Variants in SLC52A2 observed in about 807,000 individuals in gnomAD.
The protein encoded by SLC52A2 is solute carrier family 52, riboflavin transporter, member 2.
SLC52A2 carries 16 observed loss-of-function variants against 24.8 expected under a neutral mutation model. That is an observed-to-expected ratio of 0.64 (90% CI 0.44 to 0.98). The LOEUF (loss-of-function observed/expected upper bound fraction) is 0.98, where lower values mean the gene tolerates loss of function less well. SLC52A2 is among the 50% of genes least tolerant of loss of function. The probability of loss-of-function intolerance (pLI) is 0.00; values close to 1 mark genes in which losing one functional copy is unlikely to be tolerated. For missense variants in SLC52A2, 612 were observed against 575.9 expected, an observed-to-expected ratio of 1.06 and a Z score of -0.64; for synonymous variants, 335 against 276.3, an observed-to-expected ratio of 1.21 and a Z score of -2.11.
chr8:144,359,421 A>G lies in SLC52A2; in HGVS notation c.128A>G (p.Glu43Gly). 6.2e-7 allele frequency: 1 copy of G among 1,610,700 alleles called. No individual in the cohort carries two copies. Among genetic ancestry groups the G allele is most frequent in the Non-Finnish European group, 8.5e-7 (1 of 1,179,576 alleles). Residue 43 changes from glutamate to glycine, a missense_variant and splice_region_variant, in exon 2 of 5, where the codon GAG (glutamate) becomes GGG (glycine). Physicochemically the swap from Glu to Gly is moderately conservative, Grantham distance 98. Coordinates refer to ENST00000643944, the MANE Select transcript of SLC52A2 (RefSeq NM_001363118.2). ...ELPVVVKELPEGWSLPSYVSV... is the reference protein window; with the variant it reads ...ELPVVVKELPGGWSLPSYVSV... ...CCTGTGGTGGTCAAAGAGCTTCCAG[A>G]GGGTGAGTGGGAGGGAGGTGCAGGT...
At position 144,359,968 on chromosome 8, in the gene SLC52A2, G is replaced by C; in HGVS notation, c.476G>C (p.Cys159Ser). The part of the protein sequence containing the change: ...LGQGLSALLP[C>S]VLALVQGVGR... The stretch of plus-strand genomic sequence containing the variant: ...CAAGGCCTGAGTGCCCTGCTGCCCT[G>C]CGTGCTGGCCCTAGTGCAGGGTGTG... The change falls in exon 3 of 5, where the codon TGC becomes TCC. Residue 159 changes from cysteine (C) to serine (S), a missense_variant. Coordinates refer to ENST00000643944, the MANE Select transcript of SLC52A2 (RefSeq NM_001363118.2). 6.2e-7 allele frequency: 1 copy of C among 1,613,168 alleles called. No individual in the cohort carries two copies. The highest frequency in any genetic ancestry group is 1.1e-5 in the South Asian group (1 of 91,086).
At chr8:144,359,574 C>T (rs373178133) in intron 2 of SLC52A2, 49 bp from the exon 3 acceptor site, 74 of 1,603,020 alleles carry the variant, frequency 4.6e-5, no homozygotes, top group Non-Finnish European at 5.9e-5. Flanking sequence ...TGGCACTCTT[C>T]CTCCCTTGGG....
Position 144,361,001 on chromosome 8 carries a change from C to T in SLC52A2, c.1324C>T (p.Pro442Ser), listed in dbSNP as rs2130653590. The T allele has an allele frequency of 2.5e-6, 4 of 1,612,994 alleles. No homozygotes were observed. The highest frequency in any genetic ancestry group is 3.4e-6 in the Non-Finnish European group (4 of 1,179,702). Residue 442 changes from proline (P) to serine (S), a missense_variant, in exon 5 of 5, where the codon CCC (proline) becomes TCC (serine). Coordinates refer to ENST00000643944, the MANE Select transcript of SLC52A2 (RefSeq NM_001363118.2). ...VFHSRKDCAD[P>S]CDS The stretch of plus-strand genomic sequence containing the variant: ...CCACAGCAGAAAGGACTGTGCAGAC[C>T]CCTGTGACTCCTGAGCCTGGGCAGG...
chr8:144,360,345 G>T lies in SLC52A2; in HGVS notation c.853G>T (p.Ala285Ser). ...RSACLLGLLA[A>S]TNALTNGVLP... The stretch of plus-strand genomic sequence containing the variant: ...TGCCTGCCTGCTGGGCCTGTTGGCC[G>T]CCACCAACGCGCTGACCAATGGCGT... The change falls in exon 3 of 5, where the codon GCC (alanine) becomes TCC (serine). Residue 285 changes from alanine to serine, a missense_variant. Physicochemically the swap from Ala to Ser is moderately conservative, Grantham distance 99. Transcript: ENST00000643944. The T allele has an allele frequency of 6.2e-7, 1 of 1,608,552 alleles. No individual in the cohort carries two copies. The highest frequency in any genetic ancestry group is 8.5e-7 in the Non-Finnish European group (1 of 1,180,006).
Position 144,360,925 on chromosome 8 carries a change from T to G in SLC52A2, c.1248T>G (p.Ser416=), listed in dbSNP as rs781951928. 6.2e-7 allele frequency: 1 copy of G among 1,613,404 alleles called. No homozygotes were observed. Among genetic ancestry groups the G allele is most frequent in the South Asian group, 1.1e-5 (1 of 91,092 alleles). Residue 416 remains serine, a synonymous_variant, in exon 5 of 5, where the codon TCT becomes TCG. Coordinates refer to ENST00000643944, the MANE Select transcript of SLC52A2 (RefSeq NM_001363118.2). ...CCGGCGTGGCCATCCAGGTGGGCTC[T>G]CTGCTCGGCGCTGTTGCTATGTTCC... ...LAAGVAIQVG[S]LLGAVAMFPP...
Position 144,358,910 on chromosome 8 carries a change from C to A in SLC52A2, c.-266C>A. 1 of 244,724 alleles carries A rather than the reference C, an allele frequency of 4.1e-6. No individual in the cohort carries two copies. The allele number at this position is 244,724 out of a possible 1,614,324, so 15.2% of individuals were successfully genotyped here. A position where few individuals can be genotyped will look rare whatever the true frequency, so the allele number is the denominator to read the frequency against. On this transcript the variant is annotated 5_prime_UTR_variant, in exon 1 of 5. Coordinates refer to ENST00000643944, the MANE Select transcript of SLC52A2 (RefSeq NM_001363118.2). ...TGCGTGGCTCCTCCTGGTAGGCGCCCTTTCCCGGCGTCCGGCTTGGGGTGG... is the reference window on the plus strand; with the variant it reads ...TGCGTGGCTCCTCCTGGTAGGCGCCATTTCCCGGCGTCCGGCTTGGGGTGG...
Position 144,358,849 on chromosome 8 carries a change from C to T in SLC52A2, c.-327C>T, listed in dbSNP as rs1399242544. 9.1e-6 allele frequency: 2 copies of T among 219,224 alleles called. No homozygotes were observed. Among genetic ancestry groups the T allele is most frequent in the Non-Finnish European group, 9.0e-6 (1 of 111,632 alleles). 13.6% of individuals were successfully genotyped at this position (219,224 alleles called of 1,614,324 possible). A position where few individuals can be genotyped will look rare whatever the true frequency, so the allele number is the denominator to read the frequency against. On this transcript the variant is annotated 5_prime_UTR_variant, in exon 1 of 5. Coordinates refer to ENST00000643944, the MANE Select transcript of SLC52A2 (RefSeq NM_001363118.2). ...GCCACTCCCCTGGGATCTGACTTGG[C>T]TCTTGCGGTCGCGGGCACCGTGAAG...
rs1554853630 is a variant in SLC52A2, at chr8:144,358,800, G to A, written c.-376G>A. ...CACCTGACGGTACCGAGAGGGCGGC[G>A]CCCCTCCGAGCAGAGCCGTCCCGGC... On this transcript the variant is annotated 5_prime_UTR_variant, in exon 1 of 5. Coordinates refer to ENST00000643944, the MANE Select transcript of SLC52A2 (RefSeq NM_001363118.2). The A allele has an allele frequency of 4.1e-6, 1 of 244,350 alleles. No individual in the cohort carries two copies. Among genetic ancestry groups the A allele is most frequent in the Non-Finnish European group, 7.8e-6 (1 of 127,394 alleles). 15.1% of individuals were successfully genotyped at this position (244,350 alleles called of 1,614,324 possible). A position where few individuals can be genotyped will look rare whatever the true frequency, so the allele number is the denominator to read the frequency against.
chr8:144,360,162 G>A lies in SLC52A2; in HGVS notation c.670G>A (p.Val224Ile). The A allele has an allele frequency of 6.2e-7, 1 of 1,612,888 alleles. No individual in the cohort carries two copies. Among genetic ancestry groups the A allele is most frequent in the Non-Finnish European group, 8.5e-7 (1 of 1,180,034 alleles). The part of the protein sequence containing the change: ...LLLLLPPPPS[V>I]PTGELGSGLQ... ...GCTGCTGTTGCCGCCACCACCATCTGTACCCACAGGGGAGTTAGGATCAGG... is the reference window on the plus strand; with the variant it reads ...GCTGCTGTTGCCGCCACCACCATCTATACCCACAGGGGAGTTAGGATCAGG... The change falls in exon 3 of 5, where the codon GTA (valine) becomes ATA (isoleucine). Residue 224 changes from valine to isoleucine, a missense_variant. Physicochemically the swap from Val to Ile is conservative, Grantham distance 29. Coordinates refer to ENST00000643944, the MANE Select transcript of SLC52A2 (RefSeq NM_001363118.2).
Position 144,360,083 on chromosome 8 carries a change from C to T in SLC52A2, c.591C>T (p.Phe197=), listed in dbSNP as rs1554854078. ...AGCGTTTTCCCGCCAGCACCTTCTT[C>T]TGGGCACTGACTGCCCTTCTGGTCG... The part of the protein sequence containing the change: ...FLERFPASTF[F]WALTALLVAS... Residue 197 remains phenylalanine (F), a synonymous_variant, in exon 3 of 5, where the codon TTC becomes TTT. Transcript: ENST00000643944. 1.9e-6 allele frequency: 3 copies of T among 1,613,004 alleles called. No homozygotes were observed. Among genetic ancestry groups the T allele is most frequent in the East Asian group, 2.2e-5 (1 of 44,886 alleles).
At position 144,360,239 on chromosome 8, in the gene SLC52A2, A is replaced by G. The variant is rs782370479; in HGVS notation, c.747A>G (p.Pro249=). ...AGGAAGAGGTGGAAGAGTCCTCACC[A>G]CTGCAAGAGCCACCAAGCCAGGCAG... ...GAEEEVEESS[P]LQEPPSQAAG... Residue 249 remains proline, a synonymous_variant, in exon 3 of 5, where the codon CCA becomes CCG. Coordinates refer to ENST00000643944, the MANE Select transcript of SLC52A2 (RefSeq NM_001363118.2). 7 of 1,612,446 alleles carry G rather than the reference A, an allele frequency of 4.3e-6. No homozygotes were observed. Among genetic ancestry groups the G allele is most frequent in the Non-Finnish European group, 4.2e-6 (5 of 1,179,960 alleles).
rs1463329267 is a variant in SLC52A2, at chr8:144,360,421, A to G, written c.929A>G (p.Tyr310Cys). The change falls in exon 3 of 5, where the codon TAC becomes TGC. Residue 310 changes from tyrosine to cysteine, a missense_variant. Tyr to Cys is a radical substitution (Grantham distance 194). Transcript: ENST00000643944. ...TGCTTACCCTACGGGCGTCTGGCCT[A>G]CCACCTGGCTGTGGTGCTGGGCAGT... ...FSCLPYGRLA[Y>C]HLAVVLGSAA... 2 of 1,606,610 alleles carry G rather than the reference A, an allele frequency of 1.2e-6. No individual in the cohort carries two copies. Among genetic ancestry groups the G allele is most frequent in the South Asian group, 1.1e-5 (1 of 91,092 alleles).
rs782459338 is a variant in SLC52A2 at position 144,360,775 on chromosome 8, C to G, written c.1126-28C>G. On this transcript the variant is annotated intron_variant, in intron 4 of 4. Transcript: ENST00000643944. ...GTTGCCCTGGAGCAGGCACATCTCACGCTCAGCTGGTGCTGTGTCCCCCTC... is the reference window on the plus strand; with the variant it reads ...GTTGCCCTGGAGCAGGCACATCTCAGGCTCAGCTGGTGCTGTGTCCCCCTC... 2.5e-6 allele frequency: 4 copies of G among 1,608,778 alleles called. No individual in the cohort carries two copies. In the Admixed American group the frequency reaches 6.7e-5, roughly 27 times the overall value.
chr8:144,361,042 C>G lies in SLC52A2; in HGVS notation c.*27C>G, dbSNP rs1818860041. The G allele has an allele frequency of 6.2e-7, 1 of 1,600,696 alleles. No individual in the cohort carries two copies. The highest frequency in any genetic ancestry group is 1.1e-5 in the South Asian group (1 of 90,708). ...CCTGGGCAGGTGGGGACCCCGCTCC[C>G]CAACACCTGTCTTTCCCTCAATGCT... is the stretch of plus-strand genomic sequence containing the variant. On this transcript the variant is annotated 3_prime_UTR_variant, in exon 5 of 5. Transcript: ENST00000643944.
At chr8:144,359,485 G>T (rs1237412170) in intron 2 of SLC52A2, 62 bp downstream of exon 2, 50 of 1,613,708 alleles carry the variant, frequency 3.1e-5, no homozygotes, top group Non-Finnish European at 4.2e-5. Flanking sequence ...TGGGATCTGG[G>T]TGGAGCTACC....
chr8:144,360,234 T>C lies in SLC52A2; in HGVS notation c.742T>C (p.Ser248Pro). ...PGAEEEVEES[S>P]PLQEPPSQAA... is the part of the protein sequence containing the mutation. ...AGCAGAGGAAGAGGTGGAAGAGTCC[T>C]CACCACTGCAAGAGCCACCAAGCCA... Residue 248 changes from serine to proline, a missense_variant, in exon 3 of 5, where the codon TCA becomes CCA. Coordinates refer to ENST00000643944, the MANE Select transcript of SLC52A2 (RefSeq NM_001363118.2). 1 of 1,612,690 alleles carries C rather than the reference T, an allele frequency of 6.2e-7. No homozygotes were observed. The highest frequency in any genetic ancestry group is 8.5e-7 in the Non-Finnish European group (1 of 1,180,006).
Position 144,358,670 on chromosome 8 carries a change from G to T in SLC52A2, c.-506G>T. 1 of 458,658 alleles carries T rather than the reference G, an allele frequency of 2.2e-6. No homozygotes were observed. Among genetic ancestry groups the T allele is most frequent in the Non-Finnish European group, 3.5e-6 (1 of 287,696 alleles). The allele number at this position is 458,658 out of a possible 1,614,324, so 28.4% of individuals were successfully genotyped here. On this transcript the variant is annotated 5_prime_UTR_variant, in exon 1 of 5. Coordinates refer to ENST00000643944, the MANE Select transcript of SLC52A2 (RefSeq NM_001363118.2). ...CGCTCCGGACTGAGGTGGCGTCCCT[G>T]GGCCGGACGGCGGTGTCCCGGCGTG...
rs1233846381 is a variant in SLC52A2 at position 144,361,177 on chromosome 8, G to C, written c.*162G>C. 8.3e-6 allele frequency: 6 copies of C among 726,620 alleles called. No individual in the cohort carries two copies. The highest frequency in any genetic ancestry group is 1.3e-5 in the Non-Finnish European group (6 of 446,500). 45.0% of individuals were successfully genotyped at this position (726,620 alleles called of 1,614,324 possible). A position where few individuals can be genotyped will look rare whatever the true frequency, so the allele number is the denominator to read the frequency against. ...GCTTTCCAGGGTGGGCAAGGGCAAG[G>C]AGCAGGCTTGGAGCCAGGGACCAGT... is the stretch of plus-strand genomic sequence containing the variant. On this transcript the variant is annotated 3_prime_UTR_variant, in exon 5 of 5. Transcript: ENST00000643944.
At chr8:144,359,153 G>A (rs1818642068) in intron 1 of SLC52A2, 31 bp from the exon 2 acceptor site, 14 of 1,336,746 alleles carry the variant, frequency 1.0e-5, no homozygotes, top group Non-Finnish European at 1.4e-5. Context: ...CTCCGGCTCT[G>A]CATCCTATCT....
Sources: gnomAD v4.1 joint callset for allele counts on GRCh38, gnomAD v4.1.1 for gene constraint, MANE v1.5 for transcripts, NCBI Gene and HGNC (gene_info 2026-07-23, HGNC 2026-07-21) for gene names.